Variants in CROCC2 observed in about 807,000 individuals in gnomAD.
CROCC2 encodes ciliary rootlet coiled-coil, rootletin family member 2, also known as ciliary rootlet coiled-coil protein 2.
CROCC2 carries 163 observed loss-of-function variants against 177.6 expected under a neutral mutation model. The ratio of observed to expected loss-of-function variants is 0.92; its 90% CI spans 0.81 to 1.05. The LOEUF (loss-of-function observed/expected upper bound fraction) is 1.05. CROCC2 is among the 50% of genes least tolerant of loss of function. The pLI, the probability that CROCC2 is intolerant of heterozygous loss-of-function variation, is 0.00. For synonymous variants in CROCC2, 904 were observed against 787.3 expected (o/e 1.15, Z -2.48); for missense variants, 1,929 against 1,797.8 (o/e 1.07, Z -1.32).
chr2:240,932,071 C>T (rs1342349530), intron 7 of CROCC2, among the ~76,000 whole-genome samples: 3 of 152,264 alleles, frequency 2.0e-5, no homozygotes, highest in Admixed American at 6.5e-5. Context: ...CGGGCAGCCA[C>T]TGCATCTGAG....
chr2:240,991,819 C>T lies in CROCC2; in HGVS notation c.4946+541C>T, dbSNP rs529371248. Among the ~76,000 whole-genome samples the T allele has an allele frequency of 4.9e-4, 74 of 152,342 alleles. 1 individual carries two copies. The South Asian group carries it at 0.014, about 28-fold the overall frequency. Reference sequence around the variant, plus strand: ...TTCCGTGCCCTCAGCTCTGTAAACACGGGAAAACACGTGGGAAACATTTCC... The same window carrying T: ...TTCCGTGCCCTCAGCTCTGTAAACATGGGAAAACACGTGGGAAACATTTCC... On this transcript the variant is annotated intron_variant, in intron 31 of 31. Coordinates refer to ENST00000690015, the MANE Select transcript of CROCC2 (RefSeq NM_001351305.2).
rs1318535285 is a variant in CROCC2 at position 240,920,123 on chromosome 2, G to C, written c.370G>C (p.Val124Leu). The C allele has an allele frequency of 1.2e-5, 8 of 693,228 alleles. No individual in the cohort carries two copies. In the African/African-American group the frequency reaches 1.4e-4, roughly 12 times the overall value. 42.9% of individuals were successfully genotyped at this position (693,228 alleles called of 1,614,324 possible). ...TGAGCTGGCCAGCAGGTGCCGTGTG[G>C]TCAGCGAGCAGGTGCGTGTGTGCAG... ...RDELASRCRV[V>L]SEQLQARLET... is the part of the protein sequence containing the mutation. Residue 124 changes from valine (V) to leucine (L), a missense_variant, in exon 3 of 32, where the codon GTC (valine) becomes CTC (leucine). Coordinates refer to ENST00000690015, the MANE Select transcript of CROCC2 (RefSeq NM_001351305.2).
chr2:240,933,881 C>T (rs1032930405), intron 11 of CROCC2, 29 bp downstream of exon 11: 1 of 1,532,788 alleles, frequency 6.5e-7, no homozygotes, highest in Non-Finnish European at 8.8e-7. Context: ...GTGGGCAGGG[C>T]CCCTCCCACA....
intron 20 of CROCC2, 48 bp downstream of exon 20, chr2:240,959,492 A>G (rs1392773600): frequency 6.5e-7 from 1 of 1,538,212 alleles, no homozygotes; most frequent in Admixed American, 2.0e-5. Flanking sequence ...AGGACAGGAG[A>G]AAGCAGGGCA....
intron 1 of CROCC2, among the ~76,000 whole-genome samples, chr2:240,911,105 T>C (rs1310553729): frequency 6.6e-6 from 1 of 152,132 alleles, no homozygotes; most frequent in Non-Finnish European, 1.5e-5. Flanking sequence ...TACTCCAGCC[T>C]GGGAGACAGA....
intron 18 of CROCC2, among the ~76,000 whole-genome samples, chr2:240,954,185 C>T (rs2059575146): frequency 6.6e-6 from 1 of 152,228 alleles, no homozygotes; most frequent in Non-Finnish European, 1.5e-5. Flanking sequence ...TGCCCCTCCC[C>T]TTCACTAGGC....
chr2:240,936,882 T>C (rs968844341), intron 14 of CROCC2, among the ~76,000 whole-genome samples: 1 of 152,248 alleles, frequency 6.6e-6, no homozygotes, highest in Non-Finnish European at 1.5e-5. Context: ...CCAAATCTCA[T>C]GTCAAATTGG....
At chr2:240,919,856 A>T (rs2106453796) in intron 2 of CROCC2, 127 bp from the exon 3 acceptor site, 1 of 578,314 alleles carries the variant, frequency 1.7e-6, no homozygotes, top group African/African-American at 1.9e-5. Context: ...CCCTCCCAGG[A>T]GATGGGGGCA....
chr2:240,982,945 G>A lies in CROCC2; in HGVS notation c.4467G>A (p.Lys1489=). 1 of 1,550,494 alleles carries A rather than the reference G, an allele frequency of 6.4e-7. No homozygotes were observed. Among genetic ancestry groups the A allele is most frequent in the Non-Finnish European group, 8.7e-7 (1 of 1,146,988 alleles). The change falls in exon 28 of 32, where the codon AAG becomes AAA. Residue 1489 remains lysine (K), a synonymous_variant. Coordinates refer to ENST00000690015, the MANE Select transcript of CROCC2 (RefSeq NM_001351305.2). This position sits in a 1 kb window ranked among gnomAD's most constrained non-coding sequence, Gnocchi z 4.7. ...GGAGGCACAGCCAAGGTCTGGCCAA[G>A]CAGGGGAAGCTGCTGGAAGAACAGC... ...ESRRHSQGLA[K]QGKLLEEQLT...
chr2:240,945,696 GA>G (rs2059519655), intron 14 of CROCC2, among the ~76,000 whole-genome samples: 2 of 152,030 alleles, frequency 1.3e-5, no homozygotes, highest in African/African-American at 2.4e-5. Flanking sequence ...GTTCTTGGTG[GA>G]AGTGTTGGTC....
At position 240,982,052 on chromosome 2, in the gene CROCC2, G is replaced by C. The variant is rs2059804475; in HGVS notation, c.4402-828G>C. On this transcript the variant is annotated intron_variant, in intron 27 of 31. Coordinates refer to ENST00000690015, the MANE Select transcript of CROCC2 (RefSeq NM_001351305.2). This position sits in a 1 kb window ranked among gnomAD's most constrained non-coding sequence, Gnocchi z 4.7. ...AGGAGAAGGCAGCAGCGTAGGGTGG[G>C]GGCGCCAGCGGGGAGGCTGTGCACA... The C allele has an allele frequency of 6.6e-6, 1 of 151,404 alleles. No homozygotes were observed. The highest frequency in any genetic ancestry group is 1.5e-5 in the Non-Finnish European group (1 of 68,066). The allele number at this position is 151,404 out of a possible 1,614,324, so 9.4% of individuals were successfully genotyped here. A position where few individuals can be genotyped will look rare whatever the true frequency, so the allele number is the denominator to read the frequency against.
At position 240,965,932 on chromosome 2, in the gene CROCC2, C is replaced by A. The variant is rs531319077; in HGVS notation, c.3900C>A (p.Gly1300=). 2 of 1,413,800 alleles carry A rather than the reference C, an allele frequency of 1.4e-6. No homozygotes were observed. The highest frequency in any genetic ancestry group is 1.8e-6 in the Non-Finnish European group (2 of 1,087,004). The allele number at this position is 1,413,800 out of a possible 1,614,324, so 87.6% of individuals were successfully genotyped here. The change falls in exon 24 of 32, where the codon GGC becomes GGA. Residue 1300 remains glycine (G), a synonymous_variant. Coordinates refer to ENST00000690015, the MANE Select transcript of CROCC2 (RefSeq NM_001351305.2). ...LGRLCSTLRR[G]LGLQRQSPWA... is the part of the protein sequence containing the mutation. ...GGCTGTGCTCCACGCTCCGCCGTGG[C>A]CTGGGGCTCCAGAGACAGAGCCCGT... is the stretch of plus-strand genomic sequence containing the variant.
chr2:240,921,934 G>A (rs975097117), intron 3 of CROCC2, among the ~76,000 whole-genome samples: 2 of 152,220 alleles, frequency 1.3e-5, no homozygotes, highest in Admixed American at 1.3e-4. Context: ...AGTGGTGGCA[G>A]AGTGGCCCTG....
At chr2:240,975,048 C>G (rs1423099263) in intron 27 of CROCC2, among the ~76,000 whole-genome samples, 1 of 151,878 alleles carries the variant, frequency 6.6e-6, no homozygotes, top group African/African-American at 2.4e-5. Context: ...TGGTCGTTTG[C>G]TTTTTTGGTT....
intron 6 of CROCC2, among the ~76,000 whole-genome samples, chr2:240,930,561 C>T (rs1405916275): frequency 6.6e-6 from 1 of 152,098 alleles, no homozygotes; most frequent in Non-Finnish European, 1.5e-5. Context: ...TGGGGGACAC[C>T]TACCCAGATG....
chr2:240,930,831 C>T (rs769469984), intron 6 of CROCC2, 100 bp from the exon 7 acceptor site: 31 of 602,692 alleles, frequency 5.1e-5, no homozygotes, highest in East Asian at 8.4e-5. Context: ...CTTCTCCTGA[C>T]GATGGCCAAG....
intron 30 of CROCC2, among the ~76,000 whole-genome samples, chr2:240,990,113 G>A (rs549286381): frequency 2.6e-5 from 4 of 152,364 alleles, no homozygotes; most frequent in South Asian, 4.1e-4. Context: ...GGGTAGTGAG[G>A]ACAGCTCCTG....
At position 240,906,502 on chromosome 2, in the gene CROCC2, C is replaced by A. The variant is rs1177480622; in HGVS notation, c.-12C>A. On this transcript the variant is annotated 5_prime_UTR_variant, in exon 1 of 32. Transcript: ENST00000690015. ...GCCCAGACTTCTCTGGGGTCCTGCG[C>A]TCTGGGCTGCAATGAGCTCTGCCTC... 1.3e-5 allele frequency: 5 copies of A among 398,994 alleles called. No individual in the cohort carries two copies. The highest frequency in any genetic ancestry group is 2.2e-5 in the Non-Finnish European group (5 of 226,116). 24.7% of individuals were successfully genotyped at this position (398,994 alleles called of 1,614,324 possible).
chr2:240,934,129 G>A (rs1471724509), intron 11 of CROCC2, among the ~76,000 whole-genome samples: 3 of 109,872 alleles, frequency 2.7e-5, no homozygotes, highest in Admixed American at 1.0e-4. Context: ...CCGTCCCCCC[G>A]GAGGCACTTG....
Sources: allele counts gnomAD v4.1 joint callset (sites outside exome capture counted in the v4.1 genomes callset), GRCh38; gene constraint gnomAD v4.1.1; non-coding constraint Gnocchi (gnomAD v3.1); transcripts MANE v1.5; gene names NCBI Gene and HGNC (gene_info 2026-07-23, HGNC 2026-07-21).